SIN3A: variants seen among roughly 807,000 people sequenced by gnomAD.
SIN3A encodes the protein paired amphipathic helix protein Sin3a.
In SIN3A, 14 loss-of-function variants were observed where a neutral mutation model predicts 146.1. The ratio of observed to expected loss-of-function variants is 0.10; its 90% confidence interval spans 0.06 to 0.15. The LOEUF (loss-of-function observed/expected upper bound fraction) is 0.15, where lower values mean the gene tolerates loss of function less well. Ranked by LOEUF, SIN3A falls within the 10% of genes least tolerant of loss-of-function variation. SIN3A has a pLI of 1.00. For missense variants in SIN3A, 1,028 were observed against 1,576.0 expected (o/e 0.65, Z 5.89); for synonymous variants, 572 against 572.0 (o/e 1.00, Z 0.00).
chr15:75,403,394 T>A (rs992047468), intron 9 of SIN3A, among the ~76,000 whole-genome samples: 1 of 150,590 alleles, frequency 6.6e-6, no homozygotes, highest in Non-Finnish European at 1.5e-5. Context: ...CACGCCACTG[T>A]ACTCCAGCTT....
In SIN3A at chr15:75,371,809, T is replaced by G. The variant is rs1798575033; in HGVS notation, c.*170A>C. 1.6e-6 allele frequency: 1 copy of G among 616,106 alleles called. No individual in the cohort carries two copies. Among genetic ancestry groups the G allele is most frequent in the African/African-American group, 1.9e-5 (1 of 53,790 alleles). The allele number at this position is 616,106 out of a possible 1,614,324, so 38.2% of individuals were successfully genotyped here. A position where few individuals can be genotyped will look rare whatever the true frequency, so the allele number is the denominator to read the frequency against. Reference sequence around the variant, plus strand: ...GTAAGGTATTCATGTTCCTAACAGGTAGCCCACTTGGTGCCAGGCTGCACC... The same window carrying G: ...GTAAGGTATTCATGTTCCTAACAGGGAGCCCACTTGGTGCCAGGCTGCACC... On this transcript the variant is annotated 3_prime_UTR_variant, in exon 21 of 21. Coordinates refer to ENST00000394947, the MANE Select transcript of SIN3A (RefSeq NM_001145358.2).
intron 14 of SIN3A, 53 bp from the exon 15 acceptor site, chr15:75,392,868 T>C: frequency 1.5e-6 from 2 of 1,307,516 alleles, no homozygotes; most frequent in South Asian, 1.3e-5. Flanking sequence ...AGCGACAACA[T>C]GTCTACAAGA....
chr15:75,433,292 T>C (rs780371377), intron 1 of SIN3A, among the ~76,000 whole-genome samples: 11 of 152,130 alleles, frequency 7.2e-5, no homozygotes, highest in Non-Finnish European at 1.3e-4. Flanking sequence ...CAGCCTACAT[T>C]AGTGATTTCC....
chr15:75,398,553 C>G (rs1383099478), intron 12 of SIN3A, among the ~76,000 whole-genome samples: 1 of 152,082 alleles, frequency 6.6e-6, no homozygotes, highest in Admixed American at 6.5e-5. Flanking sequence ...CGGCATACAC[C>G]TGTAGTCCCA....
chr15:75,396,191 TA>T (rs2073299851), intron 13 of SIN3A, 66 bp downstream of exon 13: 21 of 1,135,040 alleles, frequency 1.9e-5, no homozygotes, highest in Non-Finnish European at 2.6e-5. Flanking sequence ...ATGAGAGCCT[TA>T]TTTAATGAGA....
chr15:75,442,746 A>G (rs899297491), intron 1 of SIN3A, among the ~76,000 whole-genome samples: 2 of 151,904 alleles, frequency 1.3e-5, no homozygotes, highest in Non-Finnish European at 2.9e-5. Context: ...CCTGACCAAC[A>G]TGGAGAAACC....
At chr15:75,444,078 A>G (rs553836265) in intron 1 of SIN3A, among the ~76,000 whole-genome samples, 1 of 152,370 alleles carries the variant, frequency 6.6e-6, no homozygotes, top group African/African-American at 2.4e-5. Context: ...AAACATTTCA[A>G]TATACAGGAA....
At chr15:75,406,189 A>C (rs965487907) in intron 9 of SIN3A, among the ~76,000 whole-genome samples, 4 of 152,238 alleles carry the variant, frequency 2.6e-5, no homozygotes, top group African/African-American at 9.6e-5. Flanking sequence ...GTTTCCTGCT[A>C]ATCATCAAGT....
At chr15:75,415,855 A>G (rs981914413) in intron 3 of SIN3A, 64 of 66,314 alleles carry the variant, frequency 9.7e-4, no homozygotes, top group African/African-American at 7.1e-3. Flanking sequence ...CGGTCTCAGG[A>G]AAAAAAAAAA....
chr15:75,447,717 A>G (rs147691420), intron 1 of SIN3A: 3 of 152,290 alleles, frequency 2.0e-5, no homozygotes, highest in Non-Finnish European at 4.4e-5. Context: ...ATATCCTCCA[A>G]TAGCCCATAT....
rs947366543 is a variant in SIN3A, at chr15:75,392,593, C to A, written c.2500G>T (p.Val834Leu). ...ATCTCTTCTTCTTCCTCTTCCTCCA[C>A]ATCTGAGAGATCACCTCTTTGGGCA... ...LFAQRGDLSD[V>L]EEEEEEEMDV... Residue 834 changes from valine (V) to leucine (L), a missense_variant, in exon 15 of 21, where the codon GTG becomes TTG. By Grantham distance (32) the Val-to-Leu change is conservative. This residue lies in a region of SIN3A where 488 missense variants were observed against 690.2 expected (regional missense o/e 0.71). Coordinates refer to ENST00000394947, the MANE Select transcript of SIN3A (RefSeq NM_001145358.2). 6.2e-7 allele frequency: 1 copy of A among 1,614,156 alleles called. No individual in the cohort carries two copies. Among genetic ancestry groups the A allele is most frequent in the Admixed American group, 1.7e-5 (1 of 60,030 alleles).
At chr15:75,394,645 G>T in intron 14 of SIN3A, 35 bp downstream of exon 14, 1 of 1,540,482 alleles carries the variant, frequency 6.5e-7, no homozygotes, top group Non-Finnish European at 8.8e-7. Context: ...ATATAGACTA[G>T]AGTCCTCTCA....
intron 1 of SIN3A, among the ~76,000 whole-genome samples, chr15:75,436,690 A>G (rs2074113507): frequency 1.3e-5 from 2 of 152,148 alleles, no homozygotes; most frequent in African/African-American, 4.8e-5. Flanking sequence ...AATTCTATCA[A>G]CTTTGTTGTG....
At chr15:75,407,779 G>A (rs1304251654) in intron 8 of SIN3A, among the ~76,000 whole-genome samples, 2 of 149,806 alleles carry the variant, frequency 1.3e-5, no homozygotes, top group Non-Finnish European at 3.0e-5. Flanking sequence ...TATGGTCCCA[G>A]CTACTCAGGA....
intron 9 of SIN3A, 124 bp from the exon 10 acceptor site, chr15:75,402,094 A>C: frequency 3.1e-6 from 2 of 645,808 alleles, no homozygotes; most frequent in Non-Finnish European, 5.5e-6. Flanking sequence ...GCAGCCTCCC[A>C]TCCTCAGCCT....
At chr15:75,391,880 G>T (rs1477702933) in intron 15 of SIN3A, among the ~76,000 whole-genome samples, 1 of 152,186 alleles carries the variant, frequency 6.6e-6, no homozygotes, top group Non-Finnish European at 1.5e-5. Flanking sequence ...AGGAATTTAT[G>T]TTCTGTCATG....
intron 1 of SIN3A, among the ~76,000 whole-genome samples, chr15:75,449,878 C>T (rs1388376392): frequency 6.6e-6 from 1 of 152,180 alleles, no homozygotes; most frequent in Non-Finnish European, 1.5e-5. Flanking sequence ...CTCCCGGGTT[C>T]AAGTGATTCT....
At chr15:75,401,296 G>C (rs2073406707) in intron 10 of SIN3A, among the ~76,000 whole-genome samples, 1 of 152,164 alleles carries the variant, frequency 6.6e-6, no homozygotes, top group Admixed American at 6.5e-5. Context: ...GGGAGGCCGA[G>C]GCAGGTGGAT....
intron 1 of SIN3A, among the ~76,000 whole-genome samples, chr15:75,450,563 G>C (rs928617204): frequency 3.3e-5 from 5 of 152,220 alleles, no homozygotes; most frequent in African/African-American, 9.6e-5. Context: ...CGCCCCAATA[G>C]TTACAACCAA....
Sources: gnomAD v4.1 joint callset for allele counts (sites outside exome capture counted in the v4.1 genomes callset) on GRCh38, gnomAD v4.1.1 for gene constraint, gnomAD v4.1.1 regional missense constraint, MANE v1.5 for transcripts, NCBI Gene and HGNC (gene_info 2026-07-23, HGNC 2026-07-21) for gene names.